Variants in RPTOR observed in about 807,000 individuals in gnomAD.
RPTOR encodes regulatory-associated protein of mTOR.
Under a neutral mutation model 169.9 loss-of-function variants are expected in RPTOR, and 21 were observed. The ratio of observed to expected loss-of-function variants is 0.12; its 90% CI spans 0.09 to 0.18. The LOEUF (loss-of-function observed/expected upper bound fraction) is 0.18, where lower values mean the gene tolerates loss of function less well. Ranked by LOEUF, RPTOR falls within the 10% of genes least tolerant of loss-of-function variation. The pLI is 1.00. For missense variants in RPTOR, 1,133 were observed against 1,855.9 expected (o/e 0.61, Z 7.16); for synonymous variants, 732 against 753.2 (o/e 0.97, Z 0.46).
At chr17:80,676,480 T>C (rs1297925273) in intron 3 of RPTOR, among the ~76,000 whole-genome samples, 1 of 152,156 alleles carries the variant, frequency 6.6e-6, no homozygotes, top group Non-Finnish European at 1.5e-5. Flanking sequence ...ACATCAGCGC[T>C]GTGGGTCGTC....
intron 6 of RPTOR, among the ~76,000 whole-genome samples, chr17:80,779,518 C>T (rs981274684): frequency 7.2e-5 from 11 of 152,170 alleles, no homozygotes; most frequent in Admixed American, 2.0e-4. Context: ...GATAAGATTC[C>T]GTCGCGGTCG....
chr17:80,691,943 A>G (rs897025307), intron 3 of RPTOR, among the ~76,000 whole-genome samples: 25 of 152,336 alleles, frequency 1.6e-4, no homozygotes, highest in Non-Finnish European at 2.9e-4. Context: ...ATGAACACCA[A>G]CGTAATTACC....
chr17:80,814,077 G>T (rs1598324516), intron 7 of RPTOR, among the ~76,000 whole-genome samples: 1 of 152,206 alleles, frequency 6.6e-6, no homozygotes, highest in East Asian at 1.9e-4. Context: ...GGAGGTGGAA[G>T]TTGCAGTGAG....
intron 10 of RPTOR, among the ~76,000 whole-genome samples, chr17:80,841,153 G>GCACGGCAGCTCACACTCACCA (rs1567942900): frequency 0.019 from 315 of 17,006 alleles, 71 homozygotes; most frequent in Non-Finnish European, 0.022. Context: ...CACTCTCACC[G>GCACGGCAGCTCACACTCACCA]CACGGCAGCT....
intron 5 of RPTOR, among the ~76,000 whole-genome samples, chr17:80,745,147 G>A (rs1289009047): frequency 1.3e-5 from 2 of 152,228 alleles, no homozygotes; most frequent in African/African-American, 4.8e-5. Flanking sequence ...AGAATTTCCA[G>A]TATCTCCTTT....
chr17:80,583,579 TCTG>T (rs10604081), intron 1 of RPTOR, among the ~76,000 whole-genome samples: 44,390 of 151,854 alleles, frequency 0.29, 6,542 homozygotes, highest in Middle Eastern at 0.36. Context: ...CTGTGCTACC[TCTG>T]GGCCCAGCAC....
At chr17:80,685,628 T>TATATATATATATATA (rs1491347361) in intron 3 of RPTOR, among the ~76,000 whole-genome samples, 30 of 22,648 alleles carry the variant, frequency 1.3e-3, no homozygotes, top group South Asian at 5.0e-3. Flanking sequence ...TATATATATA[T>TATATATATATATATA]TTTTTTTTTT....
chr17:80,721,096 C>G lies in RPTOR; in HGVS notation c.508-9464C>G, dbSNP rs536728489. On this transcript the variant is annotated intron_variant, in intron 4 of 33. Transcript: ENST00000306801. The surrounding 1 kb of genome is among the most constrained non-coding windows in gnomAD (Gnocchi z 4.7). ...GGAGGTGAGGAGGGGCTACGTCTGCCGGGTCTCCAAGCAGGAGTGAGAACC... is the reference window on the plus strand; with the variant it reads ...GGAGGTGAGGAGGGGCTACGTCTGCGGGGTCTCCAAGCAGGAGTGAGAACC... Among the ~76,000 whole-genome samples the G allele has an allele frequency of 4.0e-4, 61 of 150,964 alleles. 4 individuals carry two copies. Among genetic ancestry groups the G allele is most frequent in the African/African-American group, 1.3e-3 (54 of 40,384 alleles).
At chr17:80,598,569 A>C (rs993528912) in intron 1 of RPTOR, among the ~76,000 whole-genome samples, 3 of 152,242 alleles carry the variant, frequency 2.0e-5, no homozygotes, top group Admixed American at 6.5e-5. Flanking sequence ...GCATTTGCAG[A>C]TGCCCAAGAG....
Position 80,659,595 on chromosome 17 carries a change from C to T in RPTOR, c.348+15785C>T, listed in dbSNP as rs2065705765. ...GATCTTGGCTCACTGCAACCTCTGC[C>T]ACCTGGGTTTAAGCAATTCTCCTGC... On this transcript the variant is annotated intron_variant, in intron 3 of 33. Coordinates refer to ENST00000306801, the MANE Select transcript of RPTOR (RefSeq NM_020761.3). The surrounding 1 kb of genome is among the most constrained non-coding windows in gnomAD (Gnocchi z 4.3). Among the ~76,000 whole-genome samples the T allele has an allele frequency of 1.3e-5, 2 of 152,122 alleles. No homozygotes were observed. Among genetic ancestry groups the T allele is most frequent in the Non-Finnish European group, 2.9e-5 (2 of 68,016 alleles).
rs1401925025 is a variant in RPTOR, at chr17:80,754,478, G to A, written c.830+293G>A. Among the ~76,000 whole-genome samples, 1 of 152,134 alleles carries A rather than the reference G, an allele frequency of 6.6e-6. No individual in the cohort carries two copies. The highest frequency in any genetic ancestry group is 1.5e-5 in the Non-Finnish European group (1 of 68,022). ...TCACTGCGGAGGCGTCTTAGTACCAGGATAGGTCATACTGGAAACTGGACT... is the reference window on the plus strand; with the variant it reads ...TCACTGCGGAGGCGTCTTAGTACCAAGATAGGTCATACTGGAAACTGGACT... On this transcript the variant is annotated intron_variant, in intron 6 of 33. Transcript: ENST00000306801. This position sits in a 1 kb window ranked among gnomAD's most constrained non-coding sequence, Gnocchi z 4.2.
At chr17:80,563,255 C>G (rs1480554065) in intron 1 of RPTOR, among the ~76,000 whole-genome samples, 1 of 151,758 alleles carries the variant, frequency 6.6e-6, no homozygotes, top group Non-Finnish European at 1.5e-5. Context: ...GGGCCTTGCT[C>G]TGCAACAGGC....
intron 3 of RPTOR, among the ~76,000 whole-genome samples, chr17:80,644,972 A>G (rs1177208404): frequency 6.6e-6 from 1 of 152,124 alleles, no homozygotes; most frequent in Admixed American, 6.5e-5. Context: ...ACTGATGCCT[A>G]ATGGCTTGAC....
chr17:80,861,011 C>A lies in RPTOR; in HGVS notation c.1509+3111C>A, dbSNP rs2067912008. On this transcript the variant is annotated intron_variant, in intron 13 of 33. Transcript: ENST00000306801. The surrounding 1 kb of genome is among the most constrained non-coding windows in gnomAD (Gnocchi z 4.5). The stretch of plus-strand genomic sequence containing the variant: ...CCAGTGCTCTGCACCTGGCTGTGAC[C>A]AGAGAACGCTCCATAATGGTGACCT... Among the ~76,000 whole-genome samples the A allele has an allele frequency of 6.9e-6, 1 of 144,316 alleles. No homozygotes were observed. Among genetic ancestry groups the A allele is most frequent in the South Asian group, 2.2e-4 (1 of 4,458 alleles). The allele number at this position is 144,316 out of a possible 152,430, so 94.7% of individuals were successfully genotyped here.
intron 1 of RPTOR, among the ~76,000 whole-genome samples, chr17:80,575,785 A>G (rs1433467745): frequency 2.0e-5 from 3 of 152,158 alleles, no homozygotes; most frequent in Non-Finnish European, 4.4e-5. Flanking sequence ...GACTGTTTCT[A>G]TCAGTAACAG....
intron 33 of RPTOR, among the ~76,000 whole-genome samples, chr17:80,963,926 A>G (rs2069387011): frequency 6.6e-6 from 1 of 151,988 alleles, no homozygotes. Flanking sequence ...TTTTTAGATT[A>G]GGATTCTGCC....
At chr17:80,827,713 C>T (rs2067459851) in intron 9 of RPTOR, among the ~76,000 whole-genome samples, 1 of 152,150 alleles carries the variant, frequency 6.6e-6, no homozygotes, top group African/African-American at 2.4e-5. Flanking sequence ...GCCCAGGGAG[C>T]AATCTGACCA....
rs2066158899 is a variant in RPTOR at position 80,708,569 on chromosome 17, TGTG to T, written c.507+575_507+577del. On this transcript the variant is annotated intron_variant, in intron 4 of 33. Coordinates refer to ENST00000306801, the MANE Select transcript of RPTOR (RefSeq NM_020761.3). This position sits in a 1 kb window ranked among gnomAD's most constrained non-coding sequence, Gnocchi z 4.2. ...TGACTGTCATCCCCATCCTCCAGGG[TGTG>T]GTGGGTGCTGACTGTTGTCCCCACC... Among the ~76,000 whole-genome samples the T allele has an allele frequency of 6.6e-6, 1 of 150,884 alleles. No homozygotes were observed. The highest frequency in any genetic ancestry group is 1.5e-5 in the Non-Finnish European group (1 of 67,840).
intron 6 of RPTOR, among the ~76,000 whole-genome samples, chr17:80,779,290 ACT>A (rs1470711289): frequency 6.6e-6 from 1 of 152,098 alleles, no homozygotes; most frequent in Non-Finnish European, 1.5e-5. Context: ...ATCCCAGGAC[ACT>A]CTCACTGTCC....
Sources: allele counts gnomAD v4.1 joint callset (sites outside exome capture counted in the v4.1 genomes callset), GRCh38; gene constraint gnomAD v4.1.1; non-coding constraint Gnocchi (gnomAD v3.1); transcripts MANE v1.5; gene names NCBI Gene and HGNC (gene_info 2026-07-23, HGNC 2026-07-21).